Variants in LY6H observed in about 807,000 individuals in gnomAD.
LY6H encodes the protein lymphocyte antigen 6 family member H, also known as lymphocyte antigen 6H.
A neutral mutation model predicts 14.6 loss-of-function variants in LY6H; 8 were observed. That is an observed-to-expected ratio of 0.55 (90% CI 0.32 to 0.99). The LOEUF (loss-of-function observed/expected upper bound fraction) is 0.99. Ranked by LOEUF, LY6H falls within the 50% of genes least tolerant of loss-of-function variation. The pLI, the probability that LY6H is intolerant of heterozygous loss-of-function variation, is 0.04. For synonymous variants in LY6H, 115 were observed against 97.2 expected (o/e 1.18, Z -1.08); for missense variants, 196 against 219.6 (o/e 0.89, Z 0.68).
At chr8:143,159,527 G>T in intron 2 of LY6H, 55 bp downstream of exon 2, 1 of 1,438,780 alleles carries the variant, frequency 7.0e-7, no homozygotes, top group Non-Finnish European at 9.0e-7. Context: ...CGGCTCTCCC[G>T]CGGCGCCTCG....
chr8:143,158,670 G>T, intron 3 of LY6H, 133 bp downstream of exon 3: 1 of 1,300,800 alleles, frequency 7.7e-7, no homozygotes, highest in Non-Finnish European at 1.1e-6. Flanking sequence ...GGGGGGGACA[G>T]CAGGACAGTA....
At position 143,159,659 on chromosome 8, in the gene LY6H, G is replaced by C; in HGVS notation, c.53C>G (p.Pro18Arg). ...GGCTGCAGGCAGCATGCTCCGGGTG[G>C]GCCTGGGGGCGGCGCGGGGGCTTGG... ...RAPSPRAAPR[P>R]TRSMLPAAMK... Residue 18 changes from proline to arginine, a missense_variant, in exon 2 of 4, where the codon CCC becomes CGC. Physicochemically the swap from Pro to Arg is moderately radical, Grantham distance 103. Transcript: ENST00000342752. 1 of 1,411,406 alleles carries C rather than the reference G, an allele frequency of 7.1e-7. No individual in the cohort carries two copies. The highest frequency in any genetic ancestry group is 9.1e-7 in the Non-Finnish European group (1 of 1,094,430). 87.4% of individuals were successfully genotyped at this position (1,411,406 alleles called of 1,614,324 possible). A position where few individuals can be genotyped will look rare whatever the true frequency, so the allele number is the denominator to read the frequency against.
chr8:143,158,292 G>A lies in LY6H; in HGVS notation c.444C>T (p.Leu148=), dbSNP rs368121106. The change falls in exon 4 of 4, where the codon CTC becomes CTT. Residue 148 remains leucine, a synonymous_variant. Coordinates refer to ENST00000342752, the MANE Select transcript of LY6H (RefSeq NM_001135655.2). Reference sequence around the variant, plus strand: ...GGAGGGCAGGCCCCAGGCTGAGCAGGAGCCCCCCGGCCAGGGCCCAGGGGC... The same window carrying A: ...GGAGGGCAGGCCCCAGGCTGAGCAGAAGCCCCCCGGCCAGGGCCCAGGGGC... ...GHSPWALAGG[L]LLSLGPALLW... 4.3e-6 allele frequency: 7 copies of A among 1,613,258 alleles called. No homozygotes were observed. The Admixed American group carries it at 5.0e-5, about 12-fold the overall frequency.
At chr8:143,159,935 C>A (rs558700590) in intron 1 of LY6H, 5 of 1,240,902 alleles carry the variant, frequency 4.0e-6, no homozygotes, top group African/African-American at 3.1e-5. Context: ...CGCGCCGGCA[C>A]CTGTGTGGGG....
At position 143,158,323 on chromosome 8, in the gene LY6H, C is replaced by T; in HGVS notation, c.413G>A (p.Gly138Glu). 1 of 1,613,754 alleles carries T rather than the reference C, an allele frequency of 6.2e-7. No individual in the cohort carries two copies. The highest frequency in any genetic ancestry group is 1.1e-5 in the South Asian group (1 of 91,092). Residue 138 changes from glycine (G) to glutamate (E), a missense_variant, in exon 4 of 4, where the codon GGG (glycine) becomes GAG (glutamate). Gly to Glu is a moderately conservative substitution (Grantham distance 98). Transcript: ENST00000342752. ...CCCGGCCAGGGCCCAGGGGCTGTGC[C>T]CTGCCCCTGCCGCCCCATTGCACAA... ...KDLCNGAAGA[G>E]HSPWALAGGL...
chr8:143,159,692 G>T lies in LY6H; in HGVS notation c.20C>A (p.Thr7Asn). Residue 7 changes from threonine to asparagine, a missense_variant, in exon 2 of 4, where the codon ACC (threonine) becomes AAC (asparagine). Transcript: ENST00000342752. Reference protein sequence around the residue: MLAPQRTRAPSPRAAPR... With the variant: MLAPQRNRAPSPRAAPR... Reference sequence around the variant, plus strand: ...GGCGGCGCGGGGGCTTGGGGCGCGGGTCCTCTGGGGCGCAAGCCTGGAGGG... The same window carrying T: ...GGCGGCGCGGGGGCTTGGGGCGCGGTTCCTCTGGGGCGCAAGCCTGGAGGG... 3 of 1,383,152 alleles carry T rather than the reference G, an allele frequency of 2.2e-6. No individual in the cohort carries two copies. The highest frequency in any genetic ancestry group is 6.1e-5 in the East Asian group (2 of 32,660). 85.7% of individuals were successfully genotyped at this position (1,383,152 alleles called of 1,614,324 possible). A position where few individuals can be genotyped will look rare whatever the true frequency, so the allele number is the denominator to read the frequency against.
intron 3 of LY6H, 150 bp downstream of exon 3, chr8:143,158,653 G>A: frequency 1.6e-6 from 2 of 1,228,064 alleles, no homozygotes; most frequent in Non-Finnish European, 1.1e-6. Context: ...GGGCCACCAA[G>A]GAGCCAGGGG....
chr8:143,160,341 C>G, upstream of LY6H: 1 of 489,054 alleles, frequency 2.0e-6, no homozygotes, highest in Non-Finnish European at 2.9e-6. Flanking sequence ...GCGCGAGGGG[C>G]GGGGCGGAGC....
At chr8:143,159,896 C>A (rs1304729689) in intron 1 of LY6H, 187 bp from the exon 2 acceptor site, 2 of 1,152,542 alleles carry the variant, frequency 1.7e-6, no homozygotes, top group Non-Finnish European at 1.1e-6. Context: ...GCCTCTGGGG[C>A]GAGGTGACAG....
rs537176820 is a variant in LY6H at position 143,158,300 on chromosome 8, C to T, written c.436G>A (p.Gly146Arg). ...GGCCCCAGGCTGAGCAGGAGCCCCC[C>T]GGCCAGGGCCCAGGGGCTGTGCCCT... The part of the protein sequence containing the change: ...GAGHSPWALA[G>R]GLLLSLGPAL... The change falls in exon 4 of 4, where the codon GGG becomes AGG. Residue 146 changes from glycine (G) to arginine (R), a missense_variant. Coordinates refer to ENST00000342752, the MANE Select transcript of LY6H (RefSeq NM_001135655.2). 1.1e-5 allele frequency: 17 copies of T among 1,613,468 alleles called. No individual in the cohort carries two copies. The highest frequency in any genetic ancestry group is 3.3e-5 in the Admixed American group (2 of 60,030).
Position 143,158,079 on chromosome 8 carries a change from G to A in LY6H, c.*171C>T. 1.7e-6 allele frequency: 1 copy of A among 588,884 alleles called. No individual in the cohort carries two copies. The highest frequency in any genetic ancestry group is 3.0e-6 in the Non-Finnish European group (1 of 332,748). The allele number at this position is 588,884 out of a possible 1,614,324, so 36.5% of individuals were successfully genotyped here. On this transcript the variant is annotated 3_prime_UTR_variant, in exon 4 of 4. Coordinates refer to ENST00000342752, the MANE Select transcript of LY6H (RefSeq NM_001135655.2). ...GAGATGTCCAGCTGCCTGGGACTCA[G>A]AGCTGGCGGAGAGACAGGGAGGCTT... is the stretch of plus-strand genomic sequence containing the variant.
At chr8:143,160,145 T>G in intron 1 of LY6H, 53 bp downstream of exon 1, 2 of 1,256,016 alleles carry the variant, frequency 1.6e-6, no homozygotes, top group Non-Finnish European at 2.0e-6. Flanking sequence ...GCCTCGGCGC[T>G]CACCGCGGAT....
chr8:143,160,149 C>A (rs1202880754), intron 1 of LY6H, 49 bp downstream of exon 1: 33 of 1,264,642 alleles, frequency 2.6e-5, no homozygotes, highest in Non-Finnish European at 3.0e-5. Flanking sequence ...CGGCGCTCAC[C>A]GCGGATGGGG....
intron 2 of LY6H, 114 bp downstream of exon 2, chr8:143,159,468 C>T: frequency 8.0e-7 from 1 of 1,254,444 alleles, no homozygotes; most frequent in Non-Finnish European, 1.0e-6. Flanking sequence ...GGGGCGTGGG[C>T]TCTATGCGAA....
rs370405981 is a variant in LY6H, at chr8:143,158,207, C to G, written c.*43G>C. 6.2e-6 allele frequency: 9 copies of G among 1,460,248 alleles called. No individual in the cohort carries two copies. Among genetic ancestry groups the G allele is most frequent in the Admixed American group, 2.0e-5 (1 of 50,852 alleles). The allele number at this position is 1,460,248 out of a possible 1,614,324, so 90.5% of individuals were successfully genotyped here. A position where few individuals can be genotyped will look rare whatever the true frequency, so the allele number is the denominator to read the frequency against. ...AGGCTGGGGAGAGGGCAGCCACAGG[C>G]TCAGGGGAGCAAGCTCAGAAGCCCC... On this transcript the variant is annotated 3_prime_UTR_variant, in exon 4 of 4. Transcript: ENST00000342752.
Position 143,158,273 on chromosome 8 carries a change from C to T in LY6H, c.463G>A (p.Ala155Thr). 2 of 1,612,526 alleles carry T rather than the reference C, an allele frequency of 1.2e-6. No homozygotes were observed. The highest frequency in any genetic ancestry group is 1.7e-4 in the Middle Eastern group (1 of 6,058). The change falls in exon 4 of 4, where the codon GCC (alanine) becomes ACC (threonine). Residue 155 changes from alanine to threonine, a missense_variant. Transcript: ENST00000342752. ...CATCAGGGCCCAGCCCAGAGGAGGGCAGGCCCCAGGCTGAGCAGGAGCCCC... is the reference window on the plus strand; with the variant it reads ...CATCAGGGCCCAGCCCAGAGGAGGGTAGGCCCCAGGCTGAGCAGGAGCCCC... Reference protein sequence around the residue: ...AGGLLLSLGPALLWAGP With the variant: ...AGGLLLSLGPTLLWAGP
chr8:143,160,391 A>C, upstream of LY6H: 5 of 174,256 alleles, frequency 2.9e-5, no homozygotes, highest in Non-Finnish European at 4.5e-5. Context: ...CGGCTGGGAG[A>C]CGCGCGGGGC....
chr8:143,158,809 T>C lies in LY6H; in HGVS notation c.244A>G (p.Ser82Gly). ...ACCCTAAGTCCCAACTTACTGCTGC[T>C]GGGATCGGTGATTCGGACACTGGCA... ...VCASVRITDP[S>G]SSRKDHSVNK... The change falls in exon 3 of 4, where the codon AGC becomes GGC. Residue 82 changes from serine (S) to glycine (G), a missense_variant. Coordinates refer to ENST00000342752, the MANE Select transcript of LY6H (RefSeq NM_001135655.2). 6.3e-7 allele frequency: 1 copy of C among 1,589,012 alleles called. No homozygotes were observed. The highest frequency in any genetic ancestry group is 1.1e-5 in the South Asian group (1 of 87,876).
rs1323583598 is a variant in LY6H at position 143,159,584 on chromosome 8, G to C, written c.128C>G (p.Pro43Arg). The change falls in exon 2 of 4, where the codon CCC (proline) becomes CGC (arginine). Residue 43 changes from proline (P) to arginine (R), a missense_variant and splice_region_variant. Coordinates refer to ENST00000342752, the MANE Select transcript of LY6H (RefSeq NM_001135655.2). ...ALLAVLLCSA[P>R]AHGLWCQDCT... ...CAGCCCGCGGGCCCCCTACTCACCG[G>C]GCGCCGAGCACAGCAGGACGGCCAG... The C allele has an allele frequency of 1.3e-6, 2 of 1,501,136 alleles. No individual in the cohort carries two copies. The highest frequency in any genetic ancestry group is 1.5e-5 in the African/African-American group (1 of 68,756). The allele number at this position is 1,501,136 out of a possible 1,614,324, so 93.0% of individuals were successfully genotyped here.
Sources: gnomAD v4.1 joint callset for allele counts on GRCh38, gnomAD v4.1.1 for gene constraint, MANE v1.5 for transcripts, NCBI Gene and HGNC (gene_info 2026-07-23, HGNC 2026-07-21) for gene names.